The following IL1RAPL1 variants were observed in gnomAD, a reference collection of about 807,000 sequenced individuals.
IL1RAPL1 encodes the protein interleukin 1 receptor accessory protein like 1, also known as interleukin-1 receptor accessory protein-like 1.
A neutral mutation model predicts 48.4 loss-of-function variants in IL1RAPL1; 3 were observed. That is an observed-to-expected ratio of 0.06 (90% confidence interval 0.03 to 0.16). The LOEUF is 0.16. IL1RAPL1 is among the 10% of genes least tolerant of loss of function. IL1RAPL1 has a pLI of 1.00. For synonymous variants in IL1RAPL1, 185 were observed against 187.7 expected (o/e 0.99, Z 0.12); for missense variants, 349 against 530.6 (o/e 0.66, Z 3.36).
At chrX:29,745,442 T>TTTTG (rs1928309930) in intron 6 of IL1RAPL1, among the ~76,000 whole-genome samples, 1 of 80,773 alleles carries the variant, frequency 1.2e-5, no homozygotes, top group African/African-American at 4.7e-5. Flanking sequence ...TTTTTTTTTT[T>TTTTG]TTTTTTTTTT....
At chrX:29,059,969 A>G (rs1367944742) in intron 2 of IL1RAPL1, among the ~76,000 whole-genome samples, 1 of 111,891 alleles carries the variant, frequency 8.9e-6, no homozygotes, top group Non-Finnish European at 1.9e-5. Context: ...AAATCTAGAA[A>G]TGGTTTACTC....
At chrX:29,563,613 GTTC>G (rs778945540) in intron 5 of IL1RAPL1, among the ~76,000 whole-genome samples, 2 of 112,629 alleles carry the variant, frequency 1.8e-5, no homozygotes, top group East Asian at 5.6e-4. Context: ...ATTTATGAAA[GTTC>G]TTCTTTAATG....
chrX:29,102,563 G>C (rs1012226753), intron 2 of IL1RAPL1, among the ~76,000 whole-genome samples: 1 of 109,841 alleles, frequency 9.1e-6, no homozygotes, highest in Non-Finnish European at 1.9e-5. Flanking sequence ...CTACTCAGGA[G>C]GCGGAGGCAG....
At chrX:29,935,044 T>A (rs1933008767) in intron 8 of IL1RAPL1, among the ~76,000 whole-genome samples, 1 of 111,216 alleles carries the variant, frequency 9.0e-6, no homozygotes, top group Non-Finnish European at 1.9e-5. Context: ...GCTAGATGGT[T>A]TTATTTTTTA....
chrX:29,434,223 C>T (rs1602233214), intron 5 of IL1RAPL1, among the ~76,000 whole-genome samples: 1 of 109,910 alleles, frequency 9.1e-6, no homozygotes, highest in East Asian at 2.8e-4. Context: ...TTCTCAGTTC[C>T]CTTCTCAATC....
At chrX:28,810,436 G>C (rs967866771) in intron 2 of IL1RAPL1, among the ~76,000 whole-genome samples, 1 of 110,677 alleles carries the variant, frequency 9.0e-6, no homozygotes, top group African/African-American at 3.3e-5. Flanking sequence ...GAGCTGAGAA[G>C]TGAAATAAGA....
intron 2 of IL1RAPL1, among the ~76,000 whole-genome samples, chrX:29,220,282 T>A (rs1930950284): frequency 8.9e-6 from 1 of 112,253 alleles, no homozygotes; most frequent in African/African-American, 3.2e-5. Flanking sequence ...ACATAATAAT[T>A]CACCACAATT....
intron 6 of IL1RAPL1, among the ~76,000 whole-genome samples, chrX:29,826,467 A>T (rs1343351775): frequency 8.9e-6 from 1 of 111,859 alleles, no homozygotes; most frequent in African/African-American, 3.3e-5. Flanking sequence ...AGCATCATCC[A>T]TTATTATCTA....
At chrX:29,787,628 TAGA>T (rs1322432760) in intron 6 of IL1RAPL1, among the ~76,000 whole-genome samples, 2 of 111,938 alleles carry the variant, frequency 1.8e-5, no homozygotes, top group Non-Finnish European at 3.8e-5. Flanking sequence ...TTTAGTGTTA[TAGA>T]AGATCTTGAG....
chrX:29,096,689 G>T (rs971756932), intron 2 of IL1RAPL1, among the ~76,000 whole-genome samples: 19 of 110,290 alleles, frequency 1.7e-4, no homozygotes, highest in Admixed American at 2.9e-4. Flanking sequence ...AAACATGTAA[G>T]AAATTTAAAA....
intron 3 of IL1RAPL1, among the ~76,000 whole-genome samples, chrX:29,319,582 C>A (rs1385724475): frequency 3.7e-5 from 4 of 106,800 alleles, no homozygotes; most frequent in Non-Finnish European, 5.8e-5. Flanking sequence ...ATCTATCCAT[C>A]CATCGATCTA....
chrX:29,829,554 T>A (rs1039695936), intron 6 of IL1RAPL1, among the ~76,000 whole-genome samples: 3 of 111,472 alleles, frequency 2.7e-5, no homozygotes, highest in African/African-American at 9.8e-5. Context: ...AGCTTAATAC[T>A]GGACAGTGTA....
chrX:28,977,782 C>T (rs1925239506), intron 2 of IL1RAPL1, among the ~76,000 whole-genome samples: 1 of 112,023 alleles, frequency 8.9e-6, no homozygotes, highest in South Asian at 3.7e-4. Flanking sequence ...CATGGTGAAA[C>T]CCTGTCTCTA....
chrX:29,476,537 A>G (rs896151539), intron 5 of IL1RAPL1, among the ~76,000 whole-genome samples: 1 of 111,692 alleles, frequency 9.0e-6, no homozygotes, highest in African/African-American at 3.3e-5. Context: ...TATCTGGTAC[A>G]GTATGTATCA....
At chrX:29,019,269 G>A in intron 2 of IL1RAPL1, among the ~76,000 whole-genome samples, 1 of 111,727 alleles carries the variant, frequency 9.0e-6, no homozygotes, top group Non-Finnish European at 1.9e-5. Flanking sequence ...TTTTTGGAAT[G>A]ATGAAAATGT....
intron 6 of IL1RAPL1, among the ~76,000 whole-genome samples, chrX:29,803,162 TAC>T (rs1930073252): frequency 4.8e-5 from 4 of 83,793 alleles, no homozygotes; most frequent in Non-Finnish European, 8.9e-5. Flanking sequence ...TATACATGCA[TAC>T]ACATATGCAT....
chrX:29,257,718 A>G (rs1175753066), intron 2 of IL1RAPL1, among the ~76,000 whole-genome samples: 2 of 111,837 alleles, frequency 1.8e-5, no homozygotes. Flanking sequence ...TTTTGCTGCC[A>G]AGTTTTCACC....
chrX:29,566,215 A>G (rs1331074681), intron 5 of IL1RAPL1, among the ~76,000 whole-genome samples: 2 of 112,136 alleles, frequency 1.8e-5, no homozygotes, highest in African/African-American at 6.5e-5. Context: ...CTGGGATTAC[A>G]GGTGCGAGCC....
intron 6 of IL1RAPL1, among the ~76,000 whole-genome samples, chrX:29,771,118 T>G (rs990342569): frequency 2.1e-4 from 24 of 112,169 alleles, no homozygotes; most frequent in African/African-American, 6.8e-4. Flanking sequence ...CCTCTGAGTT[T>G]GAAATATTTG....
Sources: gnomAD v4.1 joint callset for allele counts (sites outside exome capture counted in the v4.1 genomes callset) on GRCh38, gnomAD v4.1.1 for gene constraint, MANE v1.5 for transcripts, NCBI Gene and HGNC (gene_info 2026-07-23, HGNC 2026-07-21) for gene names.